PLCB1: variants seen among roughly 807,000 people sequenced by gnomAD.
The protein encoded by PLCB1 is phospholipase C beta 1, also known as 1-phosphatidylinositol 4,5-bisphosphate phosphodiesterase beta-1.
A neutral mutation model predicts 161.8 loss-of-function variants in PLCB1; 46 were observed. That is an observed-to-expected ratio of 0.28 (90% CI 0.22 to 0.36). The LOEUF (loss-of-function observed/expected upper bound fraction) is 0.36, where lower values mean the gene tolerates loss of function less well. Ranked by LOEUF, PLCB1 falls within the 10% of genes least tolerant of loss-of-function variation. The probability of loss-of-function intolerance (pLI) is 1.00; values close to 1 mark genes in which losing one functional copy is unlikely to be tolerated. For synonymous variants in PLCB1, 517 were observed against 503.7 expected (o/e 1.03, Z -0.35); for missense variants, 1,016 against 1,472.5 (o/e 0.69, Z 5.07).
intron 2 of PLCB1, among the ~76,000 whole-genome samples, chr20:8,263,702 A>G (rs1013659982): frequency 6.6e-6 from 1 of 152,194 alleles, no homozygotes; most frequent in Non-Finnish European, 1.5e-5. Context: ...TTGTAACATA[A>G]TGGTAAGTAT....
intron 31 of PLCB1, among the ~76,000 whole-genome samples, chr20:8,818,194 A>C (rs1985166707): frequency 6.6e-6 from 1 of 152,220 alleles, no homozygotes; most frequent in Non-Finnish European, 1.5e-5. Context: ...AGAAATCTCA[A>C]GCATAGTGTA....
chr20:8,825,712 A>G (rs1226541669), intron 31 of PLCB1, among the ~76,000 whole-genome samples: 1 of 152,206 alleles, frequency 6.6e-6, no homozygotes, highest in Non-Finnish European at 1.5e-5. Context: ...GACTTTGAAA[A>G]TATTTTTATT....
intron 2 of PLCB1, among the ~76,000 whole-genome samples, chr20:8,228,114 G>A (rs1158242339): frequency 6.6e-6 from 1 of 151,886 alleles, no homozygotes; most frequent in Non-Finnish European, 1.5e-5. Flanking sequence ...AGCTGAGATT[G>A]TGCCATTGCA....
At chr20:8,856,739 G>A (rs1314273339) in intron 31 of PLCB1, among the ~76,000 whole-genome samples, 1 of 152,206 alleles carries the variant, frequency 6.6e-6, no homozygotes, top group Non-Finnish European at 1.5e-5. Flanking sequence ...TGATTGGAAG[G>A]TGGCAGGTAG....
rs566201492 is a variant in PLCB1, at chr20:8,807,900, G to A, written c.3423+17639G>A. Among the ~76,000 whole-genome samples, 18 of 151,982 alleles carry A rather than the reference G, an allele frequency of 1.2e-4. 1 individual carries two copies. The highest frequency in any genetic ancestry group is 4.2e-4 in the South Asian group (2 of 4,808). On this transcript the variant is annotated intron_variant, in intron 31 of 31. Transcript: ENST00000338037. Reference sequence around the variant, plus strand: ...CTTAGTTTCTAATGTGTAATCCACCGTTGTGTCAAAAAGGATTGCACTGGG... The same window carrying A: ...CTTAGTTTCTAATGTGTAATCCACCATTGTGTCAAAAAGGATTGCACTGGG...
intron 3 of PLCB1, among the ~76,000 whole-genome samples, chr20:8,542,751 T>C (rs1350623669): frequency 6.6e-6 from 1 of 152,208 alleles, no homozygotes; most frequent in African/African-American, 2.4e-5. Context: ...GAAAGGACCT[T>C]AGAGGTGGTG....
At chr20:8,817,295 A>G (rs1023435196) in intron 31 of PLCB1, among the ~76,000 whole-genome samples, 13 of 152,218 alleles carry the variant, frequency 8.5e-5, no homozygotes, top group African/African-American at 2.9e-4. Flanking sequence ...AGGTGAGCAG[A>G]GCATGCAAGC....
chr20:8,321,323 G>A (rs1284734872), intron 2 of PLCB1, among the ~76,000 whole-genome samples: 1 of 152,122 alleles, frequency 6.6e-6, no homozygotes, highest in Non-Finnish European at 1.5e-5. Flanking sequence ...CCCTTTTGCT[G>A]TTTCCTAATT....
chr20:8,548,149 T>C (rs989869924), intron 3 of PLCB1, among the ~76,000 whole-genome samples: 3 of 151,608 alleles, frequency 2.0e-5, no homozygotes, highest in African/African-American at 4.8e-5. Context: ...TCCTTCTTTC[T>C]TTCTCTCTTT....
intron 2 of PLCB1, among the ~76,000 whole-genome samples, chr20:8,313,481 T>C (rs1254283612): frequency 6.6e-6 from 1 of 152,046 alleles, no homozygotes; most frequent in African/African-American, 2.4e-5. Context: ...TAAGATCTTA[T>C]TGACTAAAGA....
At chr20:8,422,109 G>A (rs1398338299) in intron 3 of PLCB1, among the ~76,000 whole-genome samples, 2 of 152,200 alleles carry the variant, frequency 1.3e-5, no homozygotes, top group African/African-American at 4.8e-5. Context: ...TGCTCAATTT[G>A]TTTTGTGAAT....
intron 2 of PLCB1, among the ~76,000 whole-genome samples, chr20:8,345,489 AGTAGCAAATGATC>A (rs1272175105): frequency 6.6e-6 from 1 of 152,202 alleles, no homozygotes; most frequent in Non-Finnish European, 1.5e-5. Context: ...GAAAGCCTTG[AGTAGCAAATGATC>A]GTAGTTGCCT....
At position 8,765,338 on chromosome 20, in the gene PLCB1, C is replaced by T; in HGVS notation, c.2910C>T (p.Ala970=). ...GGAGAGCCGCTTTGGAAAAGTCCGC[C>T]AAAAAGGACAGTAAGAAAAAGTAAG... ...LRRRAALEKS[A]KKDSKKKSEP... is the part of the protein sequence containing the mutation. The change falls in exon 26 of 32, where the codon GCC becomes GCT. Residue 970 remains alanine, a synonymous_variant. Coordinates refer to ENST00000338037, the MANE Select transcript of PLCB1 (RefSeq NM_015192.4). 6.2e-7 allele frequency: 1 copy of T among 1,607,876 alleles called. No individual in the cohort carries two copies. The highest frequency in any genetic ancestry group is 8.5e-7 in the Non-Finnish European group (1 of 1,178,172).
At chr20:8,814,715 C>T (rs536113280) in intron 31 of PLCB1, among the ~76,000 whole-genome samples, 24 of 152,218 alleles carry the variant, frequency 1.6e-4, no homozygotes, top group African/African-American at 4.8e-4. Context: ...TATTATGAAA[C>T]AATAACAGGT....
At chr20:8,794,107 G>A (rs1419169010) in intron 31 of PLCB1, among the ~76,000 whole-genome samples, 1 of 152,136 alleles carries the variant, frequency 6.6e-6, no homozygotes, top group Non-Finnish European at 1.5e-5. Flanking sequence ...TGTTGTCTTG[G>A]TCTTTTTTCA....
intron 2 of PLCB1, among the ~76,000 whole-genome samples, chr20:8,274,535 T>G (rs1255187978): frequency 1.3e-5 from 2 of 151,898 alleles, no homozygotes; most frequent in African/African-American, 4.8e-5. Flanking sequence ...TGAACCATGA[T>G]TTCCATATTT....
At chr20:8,283,344 T>C (rs990632039) in intron 2 of PLCB1, among the ~76,000 whole-genome samples, 5 of 152,066 alleles carry the variant, frequency 3.3e-5, no homozygotes, top group African/African-American at 1.2e-4. Context: ...AAATAACTAT[T>C]ACCCATAAAT....
intron 3 of PLCB1, among the ~76,000 whole-genome samples, chr20:8,489,625 T>C (rs1337828911): frequency 6.6e-6 from 1 of 152,134 alleles, no homozygotes; most frequent in Non-Finnish European, 1.5e-5. Context: ...GTGGTAGAAA[T>C]CATAACTGCC....
At chr20:8,774,769 A>G (rs1192585183) in intron 27 of PLCB1, 50 bp downstream of exon 27, 1 of 1,493,034 alleles carries the variant, frequency 6.7e-7, no homozygotes, top group Non-Finnish European at 9.1e-7. Context: ...ACTCCCTTAT[A>G]GGAAACTTTG....
Sources: allele counts gnomAD v4.1 joint callset (sites outside exome capture counted in the v4.1 genomes callset), GRCh38; gene constraint gnomAD v4.1.1; transcripts MANE v1.5; gene names NCBI Gene and HGNC (gene_info 2026-07-23, HGNC 2026-07-21).